Variants in RTEL1 observed in about 807,000 individuals in gnomAD.
RTEL1 encodes the protein regulator of telomere length.
A neutral mutation model predicts 162.2 loss-of-function variants in RTEL1; 86 were observed. The observed-to-expected ratio is 0.53, with a 90% CI of 0.45 to 0.63. The LOEUF is 0.63. Among genes scored for constraint, RTEL1 ranks in the 30% least tolerant of loss-of-function variants. RTEL1 has a pLI of 0.00. For missense variants in RTEL1, 1,941 were observed against 1,750.2 expected (o/e 1.11, Z -1.95); for synonymous variants, 958 against 717.9 (o/e 1.33, Z -5.35).
rs375503989 is a variant in RTEL1 at position 63,693,194 on chromosome 20, G to C, written c.2903G>C (p.Cys968Ser). The change falls in exon 30 of 35, where the codon TGT becomes TCT. Residue 968 changes from cysteine to serine, a missense_variant. By Grantham distance (112) the Cys-to-Ser change is moderately radical. Coordinates refer to ENST00000360203, the MANE Select transcript of RTEL1 (RefSeq NM_001283009.2). The part of the protein sequence containing the change: ...PHHKQQFEEV[C>S]IQLTGRGCGY... ...CATAAGCAGCAGTTTGAGGAGGTCTGTATCCAGCTGACAGGACGAGGCTGT... is the reference window on the plus strand; with the variant it reads ...CATAAGCAGCAGTTTGAGGAGGTCTCTATCCAGCTGACAGGACGAGGCTGT... 49 of 1,612,174 alleles carry C rather than the reference G, an allele frequency of 3.0e-5. No individual in the cohort carries two copies. The highest frequency in any genetic ancestry group is 2.6e-4 in the South Asian group (24 of 91,092).
Position 63,690,431 on chromosome 20 carries a change from G to C in RTEL1, c.2403G>C (p.Gln801His), listed in dbSNP as rs1219370345. The change falls in exon 26 of 35, where the codon CAG becomes CAC. Residue 801 changes from glutamine to histidine, a missense_variant. Physicochemically the swap from Gln to His is conservative, Grantham distance 24. Transcript: ENST00000360203. ...ACCTGCATGTCCCCAGCCTGAAGCAGAGGTCCTCAGGTGCGGACGGGCAGC... is the reference window on the plus strand; with the variant it reads ...ACCTGCATGTCCCCAGCCTGAAGCACAGGTCCTCAGGTGCGGACGGGCAGC... ...SLDLHVPSLKQRSSGSPAAGD... is the reference protein window; with the variant it reads ...SLDLHVPSLKHRSSGSPAAGD... 1 of 1,593,836 alleles carries C rather than the reference G, an allele frequency of 6.3e-7. No individual in the cohort carries two copies. The highest frequency in any genetic ancestry group is 8.6e-7 in the Non-Finnish European group (1 of 1,167,898).
rs2090642322 is a variant in RTEL1, at chr20:63,688,292, C to T, written c.1637-9C>T. ...GCCCCTGCCTTGACCCCGGCCCCTGCACTTCCAGGCAACATCGCCCGCGTG... is the reference window on the plus strand; with the variant it reads ...GCCCCTGCCTTGACCCCGGCCCCTGTACTTCCAGGCAACATCGCCCGCGTG... On this transcript the variant is annotated splice_polypyrimidine_tract_variant and intron_variant, in intron 19 of 34. Coordinates refer to ENST00000360203, the MANE Select transcript of RTEL1 (RefSeq NM_001283009.2). 1 of 1,611,648 alleles carries T rather than the reference C, an allele frequency of 6.2e-7. No individual in the cohort carries two copies. The highest frequency in any genetic ancestry group is 1.7e-5 in the Admixed American group (1 of 59,988).
At chr20:63,694,087 C>T (rs996915873) in intron 30 of RTEL1, among the ~76,000 whole-genome samples, 1 of 152,078 alleles carries the variant, frequency 6.6e-6, no homozygotes, top group Non-Finnish European at 1.5e-5. Context: ...GACCCCAGAT[C>T]CCTTCTGGGC....
chr20:63,670,816 CAAAAA>C (rs765965525), intron 8 of RTEL1, among the ~76,000 whole-genome samples: 4 of 134,164 alleles, frequency 3.0e-5, no homozygotes, highest in Admixed American at 2.2e-4. Context: ...GACCCCATCT[CAAAAA>C]AAAAAAAAAA....
intron 28 of RTEL1, chr20:63,692,494 T>C (rs972695515): frequency 2.3e-6 from 1 of 442,936 alleles, no homozygotes. Context: ...GGCAGGGGGC[T>C]TGAGGGAGGA....
intron 28 of RTEL1, chr20:63,692,087 G>C: frequency 2.1e-6 from 1 of 471,116 alleles, no homozygotes; most frequent in Non-Finnish European, 3.9e-6. Context: ...TGCAGCACTG[G>C]GCTTGGCCCT....
intron 10 of RTEL1, 63 bp from the exon 11 acceptor site, chr20:63,678,082 C>G: frequency 6.3e-7 from 1 of 1,596,570 alleles, no homozygotes. Context: ...TCCTGGTTCT[C>G]AAGGGCGGGG....
intron 5 of RTEL1, 28 bp from the exon 6 acceptor site, chr20:63,662,801 G>C: frequency 1.2e-6 from 2 of 1,613,430 alleles, no homozygotes; most frequent in Non-Finnish European, 1.7e-6. Context: ...CCGTGCTTCA[G>C]CTGCGCACTC....
chr20:63,693,176 A>G lies in RTEL1; in HGVS notation c.2885A>G (p.Gln962Arg). 6.2e-7 allele frequency: 1 copy of G among 1,612,182 alleles called. No homozygotes were observed. The highest frequency in any genetic ancestry group is 8.5e-7 in the Non-Finnish European group (1 of 1,179,548). ...FYQFVRPHHK[Q>R]QFEEVCIQLT... The stretch of plus-strand genomic sequence containing the variant: ...CAGTTTGTGCGGCCCCACCATAAGC[A>G]GCAGTTTGAGGAGGTCTGTATCCAG... Residue 962 changes from glutamine (Q) to arginine (R), a missense_variant, in exon 30 of 35, where the codon CAG (glutamine) becomes CGG (arginine). Transcript: ENST00000360203.
rs146100165 is a variant in RTEL1 at position 63,674,074 on chromosome 20, C to G, written c.900C>G (p.Ser300Arg). The G allele has an allele frequency of 3.3e-5, 53 of 1,612,458 alleles. No homozygotes were observed. In the African/African-American group the frequency reaches 6.8e-4, roughly 21 times the overall value. ...AQQGEPHPEF[S>R]ADSPSPGLNM... ...AGGGTGAGCCCCACCCGGAGTTCAGCGCGGACTCCCCCAGCCCAGGTGCGT... is the reference window on the plus strand; with the variant it reads ...AGGGTGAGCCCCACCCGGAGTTCAGGGCGGACTCCCCCAGCCCAGGTGCGT... The change falls in exon 10 of 35, where the codon AGC (serine) becomes AGG (arginine). Residue 300 changes from serine to arginine, a missense_variant. By Grantham distance (110) the Ser-to-Arg change is moderately radical. Transcript: ENST00000360203.
In RTEL1 at chr20:63,690,837, C is replaced by T; in HGVS notation, c.2446C>T (p.Leu816=). The change falls in exon 27 of 35, where the codon CTG becomes TTG. Residue 816 remains leucine (L), a synonymous_variant. Transcript: ENST00000360203. ...SPAAGDPESS[L]CVEYEQEPVP... ...AGCTGCCGGGGACCCCGAGAGTAGC[C>T]TGTGTGTGGAGTATGAGCAGGAGCC... 2.5e-6 allele frequency: 4 copies of T among 1,605,850 alleles called. No individual in the cohort carries two copies. Among genetic ancestry groups the T allele is most frequent in the Non-Finnish European group, 3.4e-6 (4 of 1,177,916 alleles).
intron 30 of RTEL1, among the ~76,000 whole-genome samples, chr20:63,693,760 C>A (rs141035031): frequency 5.7e-5 from 7 of 123,286 alleles, no homozygotes; most frequent in African/African-American, 2.4e-4. Flanking sequence ...ACCACCTCCA[C>A]CTCCACCAGC....
intron 30 of RTEL1, among the ~76,000 whole-genome samples, chr20:63,694,125 C>G (rs1264182960): frequency 6.6e-6 from 1 of 152,146 alleles, no homozygotes; most frequent in Non-Finnish European, 1.5e-5. Flanking sequence ...ATCCTCATGC[C>G]TGCACCCAGC....
chr20:63,667,362 C>T, intron 7 of RTEL1, 107 bp from the exon 8 acceptor site: 1 of 865,490 alleles, frequency 1.2e-6, no homozygotes, highest in Non-Finnish European at 2.0e-6. Context: ...CCCACCTGGG[C>T]CCTACGTGCA....
rs532681331 is a variant in RTEL1, at chr20:63,674,147, G to A, written c.919+54G>A. The A allele has an allele frequency of 2.3e-5, 35 of 1,546,174 alleles. No homozygotes were observed. In the East Asian group the frequency reaches 7.6e-4, roughly 33 times the overall value. ...TGAGGCCTGCGCTGCTGCAGGGTGAGCCCCACCCGGAGTTCAGCACGGACT... is the reference window on the plus strand; with the variant it reads ...TGAGGCCTGCGCTGCTGCAGGGTGAACCCCACCCGGAGTTCAGCACGGACT... On this transcript the variant is annotated intron_variant, in intron 10 of 34. Coordinates refer to ENST00000360203, the MANE Select transcript of RTEL1 (RefSeq NM_001283009.2).
In RTEL1 at chr20:63,693,055, T is replaced by C. The variant is rs370125588; in HGVS notation, c.2851+52T>C. The stretch of plus-strand genomic sequence containing the variant: ...CCCTGAGGGCAGTGCTGCCGCCGCG[T>C]GTGGGGTGGGGGCCATCTGGGTCCA... On this transcript the variant is annotated intron_variant, in intron 29 of 34. Transcript: ENST00000360203. The C allele has an allele frequency of 1.6e-3, 2,563 of 1,609,604 alleles. 66 individuals are homozygous for C. In the South Asian group the frequency reaches 0.026, roughly 16 times the overall value.
At chr20:63,685,955 G>A in intron 16 of RTEL1, 83 bp downstream of exon 16, 1 of 1,347,772 alleles carries the variant, frequency 7.4e-7, no homozygotes, top group Non-Finnish European at 1.0e-6. Context: ...CACATGCCCA[G>A]CCGTGGATCT....
rs1325804655 is a variant in RTEL1 at position 63,668,496 on chromosome 20, G to A, written c.699+943G>A. Among the ~76,000 whole-genome samples the A allele has an allele frequency of 3.3e-5, 5 of 152,290 alleles. No individual in the cohort carries two copies. Among genetic ancestry groups the A allele is most frequent in the Admixed American group, 6.5e-5 (1 of 15,300 alleles). Reference sequence around the variant, plus strand: ...GGGAAATAGAGCAGAGGGAGGAGGCGGAGACCGAGCCAAGCGGGCCCAAGT... The same window carrying A: ...GGGAAATAGAGCAGAGGGAGGAGGCAGAGACCGAGCCAAGCGGGCCCAAGT... On this transcript the variant is annotated intron_variant, in intron 8 of 34. Coordinates refer to ENST00000360203, the MANE Select transcript of RTEL1 (RefSeq NM_001283009.2). The surrounding 1 kb of genome is among the most constrained non-coding windows in gnomAD (Gnocchi z 4.3).
Position 63,690,417 on chromosome 20 carries a change from C to A in RTEL1, c.2389C>A (p.Pro797Thr). ...RKAKSLDLHV[P>T]SLKQRSSGSP... ...AGCTAAGAGTCTGGACCTGCATGTC[C>A]CCAGCCTGAAGCAGAGGTCCTCAGG... is the stretch of plus-strand genomic sequence containing the variant. Residue 797 changes from proline to threonine, a missense_variant, in exon 26 of 35, where the codon CCC becomes ACC. Pro to Thr is a conservative substitution (Grantham distance 38). Transcript: ENST00000360203. 2 of 1,604,084 alleles carry A rather than the reference C, an allele frequency of 1.2e-6. No individual in the cohort carries two copies. Among genetic ancestry groups the A allele is most frequent in the Non-Finnish European group, 1.7e-6 (2 of 1,174,232 alleles).
Sources: gnomAD v4.1 joint callset for allele counts (sites outside exome capture counted in the v4.1 genomes callset) on GRCh38, gnomAD v4.1.1 for gene constraint, Gnocchi (gnomAD v3.1) non-coding constraint, MANE v1.5 for transcripts, NCBI Gene and HGNC (gene_info 2026-07-23, HGNC 2026-07-21) for gene names.